Variants in CCZ1B observed in about 807,000 individuals in gnomAD.
The protein encoded by CCZ1B is vacuolar fusion protein CCZ1 homolog B.
A neutral mutation model predicts 58.8 loss-of-function variants in CCZ1B; 25 were observed. The ratio of observed to expected loss-of-function variants is 0.43; its 90% CI spans 0.31 to 0.59. The LOEUF (loss-of-function observed/expected upper bound fraction) is 0.59. Among genes scored for constraint, CCZ1B ranks in the 20% least tolerant of loss-of-function variants. The probability of loss-of-function intolerance (pLI) is 0.12; values close to 1 mark genes in which losing one functional copy is unlikely to be tolerated. For missense variants in CCZ1B, 180 were observed against 501.5 expected, an observed-to-expected ratio of 0.36 and a Z score of 6.12; for synonymous variants, 66 against 173.2, an observed-to-expected ratio of 0.38 and a Z score of 4.86.
chr7:6,800,729 AAAT>A (rs1472658620), intron 14 of CCZ1B, among the ~76,000 whole-genome samples: 5 of 142,782 alleles, frequency 3.5e-5, no homozygotes, highest in Non-Finnish European at 6.0e-5. Context: ...GAATTGTAGA[AAAT>A]AATTTTCTTT....
chr7:6,823,062 T>C lies in CCZ1B; in HGVS notation c.438+251A>G, dbSNP rs374615264. Among the ~76,000 whole-genome samples the C allele has an allele frequency of 1.4e-4, 21 of 148,332 alleles. 2 individuals are homozygous for C. The highest frequency in any genetic ancestry group is 5.1e-4 in the African/African-American group (20 of 38,998). On this transcript the variant is annotated intron_variant, in intron 5 of 14. Coordinates refer to ENST00000316731, the MANE Select transcript of CCZ1B (RefSeq NM_198097.5). ...GCATTCTGTATGTTCCTTGAGCACATAGATACACTTTTTCATCAATGGGGA... is the reference window on the plus strand; with the variant it reads ...GCATTCTGTATGTTCCTTGAGCACACAGATACACTTTTTCATCAATGGGGA...
Position 6,819,791 on chromosome 7 carries a change from A to G in CCZ1B, c.673T>C (p.Phe225Leu), listed in dbSNP as rs1468038092. The change falls in exon 7 of 15, where the codon TTT (phenylalanine) becomes CTT (leucine). Residue 225 changes from phenylalanine (F) to leucine (L), a missense_variant. Transcript: ENST00000316731. Reference sequence around the variant, plus strand: ...CAGATGAGCTGATCGTTATAGAGAAAAGCAGTGTATTTGACTATATTCAGG... The same window carrying G: ...CAGATGAGCTGATCGTTATAGAGAAGAGCAGTGTATTTGACTATATTCAGG... ...ESLNIVKYTA[F>L]LYNDQLIWSG... 2 of 1,546,956 alleles carry G rather than the reference A, an allele frequency of 1.3e-6. No homozygotes were observed. Among genetic ancestry groups the G allele is most frequent in the South Asian group, 2.3e-5 (2 of 87,588 alleles).
At chr7:6,822,488 C>T in intron 5 of CCZ1B, 124 bp from the exon 6 acceptor site, 1 of 1,394,208 alleles carries the variant, frequency 7.2e-7, no homozygotes, top group Non-Finnish European at 9.5e-7. Context: ...TTCTTTCCAA[C>T]AGAGAATATT....
chr7:6,813,240 C>T (rs368086238), intron 8 of CCZ1B, among the ~76,000 whole-genome samples: 2 of 149,356 alleles, frequency 1.3e-5, no homozygotes, highest in East Asian at 1.9e-4. Context: ...GCTCAAGCAA[C>T]CCTCCCACCT....
intron 8 of CCZ1B, 122 bp downstream of exon 8, chr7:6,814,642 C>T: frequency 1.2e-6 from 1 of 830,864 alleles, no homozygotes; most frequent in South Asian, 2.0e-5. Context: ...ACATAAATAA[C>T]ACACTAAGAC....
chr7:6,820,907 C>T lies in CCZ1B; in HGVS notation c.523-966G>A, dbSNP rs2952941. 1.8e-3 allele frequency among the ~76,000 whole-genome samples: 237 copies of T among 132,000 alleles called. 1 individual carries two copies. Among genetic ancestry groups the T allele is most frequent in the Admixed American group, 2.7e-3 (33 of 12,358 alleles). 86.6% of individuals were successfully genotyped at this position (132,000 alleles called of 152,430 possible). On this transcript the variant is annotated intron_variant, in intron 6 of 14. Transcript: ENST00000316731. ...TCTAGCCTGGGTGACAAGAGTAAGA[C>T]TCTGTCTCAAAAAAAAAAAAAAAAA...
intron 5 of CCZ1B, among the ~76,000 whole-genome samples, chr7:6,822,759 T>C (rs1783132111): frequency 7.4e-6 from 1 of 135,770 alleles, no homozygotes; most frequent in Non-Finnish European, 1.6e-5. Context: ...TAGAGTGCAG[T>C]GGTGCAATCA....
rs192000269 is a variant in CCZ1B at position 6,813,187 on chromosome 7, G to C, written c.781-150C>G. The C allele has an allele frequency of 1.3e-6, 2 of 1,483,234 alleles. 1 individual carries two copies. The highest frequency in any genetic ancestry group is 3.0e-5 in the African/African-American group (2 of 66,462). The allele number at this position is 1,483,234 out of a possible 1,614,324, so 91.9% of individuals were successfully genotyped here. ...CTTGTTCTGTTGCCCAGGCTGGAATGCATGCAGCATGATCATGGCTCACTA... is the reference window on the plus strand; with the variant it reads ...CTTGTTCTGTTGCCCAGGCTGGAATCCATGCAGCATGATCATGGCTCACTA... On this transcript the variant is annotated intron_variant, in intron 8 of 14. Transcript: ENST00000316731.
chr7:6,825,153 TAAG>T lies in CCZ1B; in HGVS notation c.121-419_121-417del, dbSNP rs1783174720. On this transcript the variant is annotated intron_variant, in intron 1 of 14. Coordinates refer to ENST00000316731, the MANE Select transcript of CCZ1B (RefSeq NM_198097.5). ...CTAATTTGTAATACACCAATGCTTG[TAAG>T]AAGTAAAGGTGTGCCCATCTGCAGA... Among the ~76,000 whole-genome samples, 8 of 149,774 alleles carry T rather than the reference TAAG, an allele frequency of 5.3e-5. No homozygotes were observed. In the South Asian group the frequency reaches 1.7e-3, roughly 32 times the overall value.
intron 9 of CCZ1B, 96 bp from the exon 10 acceptor site, chr7:6,812,159 G>A: frequency 8.6e-7 from 1 of 1,166,516 alleles, no homozygotes. Flanking sequence ...CACACCAGTT[G>A]CTTTTGATGC....
rs1230951238 is a variant in CCZ1B at position 6,813,248 on chromosome 7, C to A, written c.781-211G>T. Among the ~76,000 whole-genome samples, 2 of 149,438 alleles carry A rather than the reference C, an allele frequency of 1.3e-5. 1 individual carries two copies. Among genetic ancestry groups the A allele is most frequent in the African/African-American group, 5.1e-5 (2 of 39,582 alleles). ...CTCCTAGGCTCAAGCAACCCTCCCA[C>A]CTCAGCCTCCTGATAGAGGCATGTG... On this transcript the variant is annotated intron_variant, in intron 8 of 14. Transcript: ENST00000316731.
At chr7:6,823,290 T>C (rs1490083417) in intron 5 of CCZ1B, 23 bp downstream of exon 5, 1 of 1,605,002 alleles carries the variant, frequency 6.2e-7, no homozygotes, top group African/African-American at 1.4e-5. Flanking sequence ...GGACTCTGAG[T>C]TGAGAAAGAA....
intron 4 of CCZ1B, among the ~76,000 whole-genome samples, 155 bp from the exon 5 acceptor site, chr7:6,823,515 CTTTTTTTTTTT>C (rs897480782): frequency 9.5e-6 from 1 of 104,884 alleles, no homozygotes; most frequent in Non-Finnish European, 1.9e-5. Context: ...TGTTTGCGTT[CTTTTTTTTTTT>C]TTTTTTTTTT....
chr7:6,815,502 C>T lies in CCZ1B; in HGVS notation c.699-657G>A, dbSNP rs567522516. On this transcript the variant is annotated intron_variant, in intron 7 of 14. Coordinates refer to ENST00000316731, the MANE Select transcript of CCZ1B (RefSeq NM_198097.5). ...TTTTCAAGAGATGAGTCTCGTCTGTCGCCCAGGCTGGATTACAGTGGTGTG... is the reference window on the plus strand; with the variant it reads ...TTTTCAAGAGATGAGTCTCGTCTGTTGCCCAGGCTGGATTACAGTGGTGTG... 3.4e-5 allele frequency among the ~76,000 whole-genome samples: 5 copies of T among 148,974 alleles called. No homozygotes were observed. The East Asian group carries it at 9.7e-4, about 29-fold the overall frequency.
rs764371741 is a variant in CCZ1B, at chr7:6,814,843, C to T, written c.701G>A (p.Ser234Asn). 1 of 1,601,328 alleles carries T rather than the reference C, an allele frequency of 6.2e-7. No individual in the cohort carries two copies. The highest frequency in any genetic ancestry group is 1.1e-5 in the South Asian group (1 of 89,750). ...TCTCATGTCATCTTGTTCTAATCCA[C>T]TCCTGCAACAACAGAAAAGCACTGG... ...AFLYNDQLIW[S>N]GLEQDDMRIL... Residue 234 changes from serine to asparagine, a missense_variant and splice_region_variant, in exon 8 of 15, where the codon AGT (serine) becomes AAT (asparagine). Ser to Asn is a conservative substitution (Grantham distance 46). Transcript: ENST00000316731.
chr7:6,810,162 C>A (rs1480601119), intron 10 of CCZ1B, among the ~76,000 whole-genome samples: 1 of 149,372 alleles, frequency 6.7e-6, no homozygotes. Flanking sequence ...GAGGCGTGCG[C>A]CACCTCACCT....
Position 6,816,258 on chromosome 7 carries a change from T to A in CCZ1B, c.699-1413A>T, listed in dbSNP as rs185671538. Among the ~76,000 whole-genome samples, 298 of 149,382 alleles carry A rather than the reference T, an allele frequency of 2.0e-3. 21 individuals are homozygous for A. Among genetic ancestry groups the A allele is most frequent in the African/African-American group, 7.3e-3 (289 of 39,590 alleles). On this transcript the variant is annotated intron_variant, in intron 7 of 14. Transcript: ENST00000316731. Reference sequence around the variant, plus strand: ...ACTTGGGGAAGCCAAGGTGAGCAGATCACCTAAGGTCAGGGATTCAACACC... The same window carrying A: ...ACTTGGGGAAGCCAAGGTGAGCAGAACACCTAAGGTCAGGGATTCAACACC...
chr7:6,808,808 AAG>A (rs1782874789), intron 10 of CCZ1B, among the ~76,000 whole-genome samples: 1 of 152,064 alleles, frequency 6.6e-6, no homozygotes, highest in Admixed American at 6.5e-5. Flanking sequence ...TCCCAGGTTC[AAG>A]AGATTCTCCT....
chr7:6,819,123 G>GAAAAAAA lies in CCZ1B; in HGVS notation c.698+636_698+642dup, dbSNP rs1173368085. Among the ~76,000 whole-genome samples, 23 of 65,658 alleles carry GAAAAAAA rather than the reference G, an allele frequency of 3.5e-4. 1 individual carries two copies. Among genetic ancestry groups the GAAAAAAA allele is most frequent in the East Asian group, 2.2e-3 (5 of 2,262 alleles). 43.1% of individuals were successfully genotyped at this position (65,658 alleles called of 152,430 possible). On this transcript the variant is annotated intron_variant, in intron 7 of 14. Transcript: ENST00000316731. ...AACACAGTAAACCCCATCTCTATAA[G>GAAAAAAA]AAAAAAAAAAAAAAAAAAAAAAAGG...
Sources: allele counts gnomAD v4.1 joint callset (sites outside exome capture counted in the v4.1 genomes callset), GRCh38; gene constraint gnomAD v4.1.1; transcripts MANE v1.5; gene names NCBI Gene and HGNC (gene_info 2026-07-23, HGNC 2026-07-21).